Variants in PDZRN4 observed in about 807,000 individuals in gnomAD.
PDZRN4 encodes the protein PDZ domain-containing RING finger protein 4.
PDZRN4 carries 70 observed loss-of-function variants against 99.0 expected under a neutral mutation model. That is an observed-to-expected ratio of 0.71 (90% CI 0.58 to 0.86). The LOEUF (loss-of-function observed/expected upper bound fraction) is 0.86. Among genes scored for constraint, PDZRN4 ranks in the 40% least tolerant of loss-of-function variants. The pLI, the probability that PDZRN4 is intolerant of heterozygous loss-of-function variation, is 0.00. For missense variants in PDZRN4, 1,474 were observed against 1,331.2 expected, an observed-to-expected ratio of 1.11 and a Z score of -1.67; for synonymous variants, 551 against 501.6, an observed-to-expected ratio of 1.10 and a Z score of -1.32.
chr12:41,264,846 G>A (rs1179783239), intron 3 of PDZRN4, among the ~76,000 whole-genome samples: 5 of 152,074 alleles, frequency 3.3e-5, no homozygotes, highest in African/African-American at 4.8e-5. Flanking sequence ...GTGAATTAAC[G>A]CTGAAACAGA....
At chr12:41,276,677 C>G (rs1381483535) in intron 3 of PDZRN4, among the ~76,000 whole-genome samples, 6 of 152,070 alleles carry the variant, frequency 3.9e-5, no homozygotes, top group African/African-American at 1.4e-4. Flanking sequence ...ATGTTAGGGC[C>G]AGCAATCACT....
chr12:41,198,414 T>G (rs1025926052), intron 3 of PDZRN4, among the ~76,000 whole-genome samples: 12 of 151,750 alleles, frequency 7.9e-5, no homozygotes, highest in Admixed American at 3.9e-4. Flanking sequence ...GAGACCAGAG[T>G]GGGGCTGAAG....
chr12:41,495,255 T>C (rs1228829171), intron 3 of PDZRN4, among the ~76,000 whole-genome samples: 3 of 152,040 alleles, frequency 2.0e-5, no homozygotes, highest in Admixed American at 2.0e-4. Context: ...TTCAGAATAT[T>C]GGAAGAAGTG....
intron 3 of PDZRN4, among the ~76,000 whole-genome samples, chr12:41,345,396 G>A (rs914325053): frequency 6.6e-6 from 1 of 152,114 alleles, no homozygotes; most frequent in Non-Finnish European, 1.5e-5. Context: ...TACTGTGGAT[G>A]GTTAATACTG....
At chr12:41,540,593 C>T (rs528196739) in intron 5 of PDZRN4, among the ~76,000 whole-genome samples, 1 of 152,274 alleles carries the variant, frequency 6.6e-6, no homozygotes, top group African/African-American at 2.4e-5. Context: ...TCCTCATCAG[C>T]ATATAGGTCC....
intron 9 of PDZRN4, among the ~76,000 whole-genome samples, chr12:41,571,154 T>C (rs1391665497): frequency 6.6e-6 from 1 of 152,090 alleles, no homozygotes; most frequent in Non-Finnish European, 1.5e-5. Context: ...TCTATATATA[T>C]ATATAGTGAA....
rs759784883 is a variant in PDZRN4 at position 41,506,611 on chromosome 12, C to A, written c.999C>A (p.Ser333Arg). 1 of 1,613,936 alleles carries A rather than the reference C, an allele frequency of 6.2e-7. No individual in the cohort carries two copies. The highest frequency in any genetic ancestry group is 1.7e-5 in the Admixed American group (1 of 59,996). ...CAGAAGTGCAGCTTATGAATGCCAGCACTCAGACGGACATCACCTTCGAAC... is the reference window on the plus strand; with the variant it reads ...CAGAAGTGCAGCTTATGAATGCCAGAACTCAGACGGACATCACCTTCGAAC... ...MASEVQLMNA[S>R]TQTDITFEHI... is the part of the protein sequence containing the mutation. Residue 333 changes from serine to arginine, a missense_variant, in exon 4 of 10, where the codon AGC (serine) becomes AGA (arginine). Transcript: ENST00000402685.
intron 5 of PDZRN4, among the ~76,000 whole-genome samples, chr12:41,536,017 C>G (rs1475210174): frequency 6.6e-6 from 1 of 152,100 alleles, no homozygotes; most frequent in African/African-American, 2.4e-5. Context: ...CGTCGGGTTC[C>G]CAGCTTCATT....
intron 5 of PDZRN4, among the ~76,000 whole-genome samples, chr12:41,518,121 T>C (rs1938434709): frequency 6.6e-6 from 1 of 152,102 alleles, no homozygotes; most frequent in Non-Finnish European, 1.5e-5. Flanking sequence ...AAAGATGATG[T>C]GTTTTATATT....
At chr12:41,554,642 A>T (rs899770590) in intron 6 of PDZRN4, among the ~76,000 whole-genome samples, 59 of 152,280 alleles carry the variant, frequency 3.9e-4, no homozygotes, top group African/African-American at 1.3e-3. Flanking sequence ...GATAGATGAA[A>T]TTACCCGCAG....
chr12:41,232,325 G>A (rs1248742355), intron 3 of PDZRN4, among the ~76,000 whole-genome samples: 1 of 151,966 alleles, frequency 6.6e-6, no homozygotes, highest in East Asian at 1.9e-4. Context: ...ATAAGGAATG[G>A]CATTATTATG....
At chr12:41,544,279 T>G (rs1423057603) in intron 5 of PDZRN4, among the ~76,000 whole-genome samples, 1 of 152,238 alleles carries the variant, frequency 6.6e-6, no homozygotes, top group East Asian at 1.9e-4. Flanking sequence ...TTGATTACTT[T>G]TCTTGTTGGC....
At chr12:41,442,848 C>G (rs919091403) in intron 3 of PDZRN4, among the ~76,000 whole-genome samples, 2 of 151,988 alleles carry the variant, frequency 1.3e-5, no homozygotes, top group Admixed American at 6.6e-5. Context: ...AGAAATGAAA[C>G]AGATGGGTAA....
At chr12:41,338,034 C>T (rs1207724092) in intron 3 of PDZRN4, among the ~76,000 whole-genome samples, 1 of 152,116 alleles carries the variant, frequency 6.6e-6, no homozygotes, top group Non-Finnish European at 1.5e-5. Context: ...GCTGGGACTA[C>T]ATGTGCATGC....
chr12:41,573,001 C>A lies in PDZRN4; in HGVS notation c.2222C>A (p.Thr741Lys). Residue 741 changes from threonine (T) to lysine (K), a missense_variant, in exon 10 of 10, where the codon ACA becomes AAA. Thr to Lys is a moderately conservative substitution (Grantham distance 78, BLOSUM62 -1). Coordinates refer to ENST00000402685, the MANE Select transcript of PDZRN4 (RefSeq NM_001164595.2). ...SDKDSSSAYN[T>K]AESCRSTPLT... ...AAGGACAGTTCTAGTGCTTACAACACAGCTGAGAGCTGCAGAAGTACTCCG... is the reference window on the plus strand; with the variant it reads ...AAGGACAGTTCTAGTGCTTACAACAAAGCTGAGAGCTGCAGAAGTACTCCG... 3 of 1,614,170 alleles carry A rather than the reference C, an allele frequency of 1.9e-6. No individual in the cohort carries two copies. Among genetic ancestry groups the A allele is most frequent in the Non-Finnish European group, 2.5e-6 (3 of 1,180,018 alleles).
chr12:41,560,637 T>C (rs1462282985), intron 7 of PDZRN4, among the ~76,000 whole-genome samples: 1 of 152,164 alleles, frequency 6.6e-6, no homozygotes, highest in Non-Finnish European at 1.5e-5. Flanking sequence ...CCCTCCCTTA[T>C]TGCTGGGTCC....
At position 41,555,731 on chromosome 12, in the gene PDZRN4, C is replaced by T. The variant is rs776233940; in HGVS notation, c.1336C>T (p.Arg446Trp). Residue 446 changes from arginine (R) to tryptophan (W), a missense_variant, in exon 7 of 10, where the codon CGG becomes TGG. Coordinates refer to ENST00000402685, the MANE Select transcript of PDZRN4 (RefSeq NM_001164595.2). ...AAATAGCATTGCTGCCAAAGACGGC[C>T]GGATTCGAGAAGGGGATCGGATTTT... ...DPNSIAAKDG[R>W]IREGDRILQI... 3.1e-6 allele frequency: 5 copies of T among 1,613,876 alleles called. No individual in the cohort carries two copies. Among genetic ancestry groups the T allele is most frequent in the Non-Finnish European group, 4.2e-6 (5 of 1,179,902 alleles).
At chr12:41,250,040 T>C (rs1951158078) in intron 3 of PDZRN4, among the ~76,000 whole-genome samples, 1 of 152,204 alleles carries the variant, frequency 6.6e-6, no homozygotes, top group Non-Finnish European at 1.5e-5. Flanking sequence ...TGTAGATTTG[T>C]CTAGATGGTA....
At chr12:41,480,329 T>C (rs1447749919) in intron 3 of PDZRN4, among the ~76,000 whole-genome samples, 1 of 152,188 alleles carries the variant, frequency 6.6e-6, no homozygotes, top group African/African-American at 2.4e-5. Flanking sequence ...TTATGCATAG[T>C]CAAGTTGATA....
Sources: allele counts gnomAD v4.1 joint callset (sites outside exome capture counted in the v4.1 genomes callset), GRCh38; gene constraint gnomAD v4.1.1; transcripts MANE v1.5; gene names NCBI Gene and HGNC (gene_info 2026-07-23, HGNC 2026-07-21).